The following ATL2 variants were observed in gnomAD, a reference collection of about 807,000 sequenced individuals.
The protein encoded by ATL2 is atlastin-2.
ATL2 carries 31 observed loss-of-function variants against 73.9 expected under a neutral mutation model. The ratio of observed to expected loss-of-function variants is 0.42; its 90% CI spans 0.32 to 0.57. The LOEUF is 0.57. Among genes scored for constraint, ATL2 ranks in the 20% least tolerant of loss-of-function variants. ATL2 has a pLI of 0.14. For synonymous variants in ATL2, 291 were observed against 237.5 expected (o/e 1.23, Z -2.07); for missense variants, 738 against 702.6 (o/e 1.05, Z -0.57).
chr2:38,310,430 A>G lies in ATL2; in HGVS notation c.822T>C (p.His274=), dbSNP rs377702950. The change falls in exon 8 of 13, where the codon CAT becomes CAC. Residue 274 remains histidine, a synonymous_variant. Transcript: ENST00000378954. ...GCTTCCTTACATTCTGAAGCTCTTC[A>G]TGTTGATTTTGTTTTACCTGAGGGC... is the stretch of plus-strand genomic sequence containing the variant. ...EKRLQVKQNQ[H]EELQNVRKHI... 3.1e-6 allele frequency: 5 copies of G among 1,596,544 alleles called. No individual in the cohort carries two copies. The African/African-American group carries it at 5.4e-5, about 17-fold the overall frequency.
chr2:38,376,554 GAC>G (rs1262716142), intron 1 of ATL2: 2 of 165,144 alleles, frequency 1.2e-5, no homozygotes, highest in Admixed American at 1.2e-4. Flanking sequence ...CGAGCCCGGG[GAC>G]AGAGCCCTGG....
intron 6 of ATL2, among the ~76,000 whole-genome samples, chr2:38,313,701 C>G (rs1435249599): frequency 7.2e-6 from 1 of 138,612 alleles, no homozygotes; most frequent in Non-Finnish European, 1.6e-5. Context: ...CATTTTGGGT[C>G]AGCACTGCTG....
At chr2:38,360,242 C>T (rs974150200) in intron 1 of ATL2, among the ~76,000 whole-genome samples, 2 of 147,522 alleles carry the variant, frequency 1.4e-5, no homozygotes, top group Admixed American at 6.8e-5. Flanking sequence ...CTAGAATAAG[C>T]GATGGCTCAG....
intron 1 of ATL2, among the ~76,000 whole-genome samples, chr2:38,345,172 G>C (rs1463941360): frequency 1.3e-5 from 2 of 152,072 alleles, no homozygotes; most frequent in Non-Finnish European, 2.9e-5. Context: ...TCCCCTCCTT[G>C]AGCCTGTCTA....
intron 2 of ATL2, among the ~76,000 whole-genome samples, chr2:38,335,526 T>G (rs1052665759): frequency 3.0e-4 from 46 of 152,194 alleles, no homozygotes; most frequent in African/African-American, 9.2e-4. Context: ...TGAAGTTCTA[T>G]AGTAGGCAAA....
intron 1 of ATL2, among the ~76,000 whole-genome samples, chr2:38,372,992 G>T (rs968627587): frequency 2.0e-5 from 3 of 151,956 alleles, no homozygotes; most frequent in Non-Finnish European, 4.4e-5. Context: ...AACACAAGTA[G>T]TCACACTGGT....
chr2:38,309,537 G>C (rs140725634), intron 8 of ATL2, 31 bp from the exon 9 acceptor site: 2 of 1,592,236 alleles, frequency 1.3e-6, no homozygotes, highest in Non-Finnish European at 1.7e-6. Context: ...CAACATATTA[G>C]TCCAAAAAAA....
intron 2 of ATL2, among the ~76,000 whole-genome samples, chr2:38,331,162 T>G (rs1233114126): frequency 2.6e-5 from 4 of 151,528 alleles, no homozygotes; most frequent in Non-Finnish European, 4.4e-5. Context: ...TGGCCAGGTG[T>G]GGTGGCTCAT....
At chr2:38,377,475 C>T (rs1367119959), upstream of ATL2, among the ~76,000 whole-genome samples, 1 of 151,398 alleles carries the variant, frequency 6.6e-6, no homozygotes, top group African/African-American at 2.4e-5. Context: ...CGCCCTCGCC[C>T]TGCCCGCCTG....
Position 38,310,465 on chromosome 2 carries a change from C to G in ATL2, c.805-18G>C, listed in dbSNP as rs1227983165. On this transcript the variant is annotated intron_variant, in intron 7 of 12. Coordinates refer to ENST00000378954, the MANE Select transcript of ATL2 (RefSeq NM_001135673.4). ...TGTTTTACCTGAGGGCGGAGAGAGA[C>G]AGGTGAAATTGTAAACAGAAGAAAG... 9 of 1,577,146 alleles carry G rather than the reference C, an allele frequency of 5.7e-6. No individual in the cohort carries two copies. The highest frequency in any genetic ancestry group is 2.3e-5 in the East Asian group (1 of 44,372).
intron 7 of ATL2, 61 bp downstream of exon 7, chr2:38,313,090 C>T (rs930081704): frequency 4.2e-6 from 5 of 1,199,044 alleles, no homozygotes; most frequent in Non-Finnish European, 6.1e-6. Context: ...GCAGTCCGGA[C>T]AGCCCACCCG....
intron 7 of ATL2, among the ~76,000 whole-genome samples, chr2:38,310,953 A>T (rs78060740): frequency 1.3e-5 from 2 of 152,096 alleles, no homozygotes; most frequent in African/African-American, 4.8e-5. Context: ...AAACCACAAA[A>T]GATGTTTTTC....
intron 4 of ATL2, among the ~76,000 whole-genome samples, chr2:38,316,562 A>AT (rs1267623941): frequency 9.9e-5 from 15 of 150,988 alleles, no homozygotes; most frequent in African/African-American, 3.4e-4. Flanking sequence ...AAAGAAAACT[A>AT]CCCCCCCCAC....
intron 2 of ATL2, among the ~76,000 whole-genome samples, chr2:38,328,028 G>GTACT (rs2148455715): frequency 6.6e-6 from 1 of 152,248 alleles, no homozygotes; most frequent in African/African-American, 2.4e-5. Flanking sequence ...ACAGACACAG[G>GTACT]TTAGAAGTAA....
At chr2:38,313,354 A>G (rs1380523105) in intron 6 of ATL2, 111 bp from the exon 7 acceptor site, 2 of 755,450 alleles carry the variant, frequency 2.6e-6, no homozygotes, top group Non-Finnish European at 4.2e-6. Flanking sequence ...AATCCTTATC[A>G]AAAGTTATAG....
chr2:38,345,187 G>A (rs1034991191), intron 1 of ATL2, among the ~76,000 whole-genome samples: 3 of 152,116 alleles, frequency 2.0e-5, no homozygotes, highest in Non-Finnish European at 2.9e-5. Flanking sequence ...TGTCTACTAA[G>A]TGTCAGTTTC....
chr2:38,308,869 A>G (rs1206283627), intron 9 of ATL2, among the ~76,000 whole-genome samples: 1 of 152,120 alleles, frequency 6.6e-6, no homozygotes, highest in Non-Finnish European at 1.5e-5. Context: ...TAAAACTACT[A>G]CAAATAATAC....
At chr2:38,365,003 C>A (rs1414628879) in intron 1 of ATL2, among the ~76,000 whole-genome samples, 1 of 150,864 alleles carries the variant, frequency 6.6e-6, no homozygotes, top group Non-Finnish European at 1.5e-5. Flanking sequence ...GAGATCACGC[C>A]ACTGCACTCC....
At chr2:38,335,263 T>C (rs1479038947) in intron 2 of ATL2, among the ~76,000 whole-genome samples, 1 of 152,064 alleles carries the variant, frequency 6.6e-6, no homozygotes, top group Non-Finnish European at 1.5e-5. Context: ...CCAACAGAAT[T>C]CAGTGCTTAC....
Sources: allele counts gnomAD v4.1 joint callset (sites outside exome capture counted in the v4.1 genomes callset), GRCh38; gene constraint gnomAD v4.1.1; transcripts MANE v1.5; gene names NCBI Gene and HGNC (gene_info 2026-07-23, HGNC 2026-07-21).